STYXL2: variants seen among roughly 807,000 people sequenced by gnomAD.
STYXL2 encodes the protein serine/threonine/tyrosine-interacting-like protein 2.
STYXL2 carries 44 observed loss-of-function variants against 52.4 expected under a neutral mutation model. The ratio of observed to expected loss-of-function variants is 0.84; its 90% CI spans 0.66 to 1.08. The LOEUF is 1.08. Among genes scored for constraint, STYXL2 ranks in the 50% least tolerant of loss-of-function variants. The pLI is 0.00. For synonymous variants in STYXL2, 604 were observed against 586.9 expected (o/e 1.03, Z -0.42); for missense variants, 1,604 against 1,471.7 (o/e 1.09, Z -1.47).
In STYXL2 at chr1:167,128,365, C is replaced by T. The variant is rs369470994; in HGVS notation, c.3234C>T (p.Asp1078=). The change falls in exon 6 of 6, where the codon GAC becomes GAT. Residue 1078 remains aspartate (D), a synonymous_variant. Transcript: ENST00000361200. Reference sequence around the variant, plus strand: ...ATGTGGAAGAGTCATCCAAGTCAGACTTCTCTGAATTTGGAGCCAAGAGGA... The same window carrying T: ...ATGTGGAAGAGTCATCCAAGTCAGATTTCTCTGAATTTGGAGCCAAGAGGA... ...WEDVEESSKS[D]FSEFGAKRKF... The T allele has an allele frequency of 1.2e-6, 2 of 1,614,008 alleles. No homozygotes were observed. The highest frequency in any genetic ancestry group is 1.7e-6 in the Non-Finnish European group (2 of 1,180,018).
At chr1:167,101,670 G>A (rs1667404556) in intron 2 of STYXL2, among the ~76,000 whole-genome samples, 1 of 152,064 alleles carries the variant, frequency 6.6e-6, no homozygotes, top group Non-Finnish European at 1.5e-5. Context: ...TGGGTGTGGT[G>A]GTGGGCACCT....
At chr1:167,124,417 A>T (rs7539374) in intron 5 of STYXL2, among the ~76,000 whole-genome samples, 54,052 of 152,104 alleles carry the variant, frequency 0.36, 10,309 homozygotes, top group East Asian at 0.74. Context: ...TTTTAACTGA[A>T]TTAGCAAACA....
rs767979314 is a variant in STYXL2, at chr1:167,127,759, A to G, written c.2628A>G (p.Glu876=). 26 of 1,614,032 alleles carry G rather than the reference A, an allele frequency of 1.6e-5. No individual in the cohort carries two copies. The highest frequency in any genetic ancestry group is 2.2e-5 in the Non-Finnish European group (26 of 1,180,024). ...TCTTCAAGAAGAAGAAGGTCAAGGA[A>G]GATGAGGATGATGGTGTGGGTGATG... ...SSLFKKKKVK[E]DEDDGVGDGD... is the part of the protein sequence containing the mutation. Residue 876 remains glutamate, a synonymous_variant, in exon 6 of 6, where the codon GAA becomes GAG. Coordinates refer to ENST00000361200, the MANE Select transcript of STYXL2 (RefSeq NM_001080426.3).
chr1:167,102,172 G>T (rs1667417277), intron 2 of STYXL2, among the ~76,000 whole-genome samples: 1 of 151,820 alleles, frequency 6.6e-6, no homozygotes, highest in African/African-American at 2.4e-5. Context: ...TGAGAGGGAG[G>T]GCTTAAAAAG....
Position 167,126,697 on chromosome 1 carries a change from C to T in STYXL2, c.1566C>T (p.Ser522=), listed in dbSNP as rs1667978101. 2 of 1,614,042 alleles carry T rather than the reference C, an allele frequency of 1.2e-6. No homozygotes were observed. The highest frequency in any genetic ancestry group is 1.3e-5 in the African/African-American group (1 of 74,914). The stretch of plus-strand genomic sequence containing the variant: ...GGGTGCGGGAGGATGATGAGGACAG[C>T]GTGGGCTCTGAGGCCAGTTCCTTCT... ...GSRVREDDED[S]VGSEASSFYN... Residue 522 remains serine (S), a synonymous_variant, in exon 6 of 6, where the codon AGC becomes AGT. Coordinates refer to ENST00000361200, the MANE Select transcript of STYXL2 (RefSeq NM_001080426.3).
Position 167,127,001 on chromosome 1 carries a change from C to A in STYXL2, c.1870C>A (p.Gln624Lys). 6.2e-7 allele frequency: 1 copy of A among 1,607,118 alleles called. No individual in the cohort carries two copies. The highest frequency in any genetic ancestry group is 8.5e-7 in the Non-Finnish European group (1 of 1,176,082). Residue 624 changes from glutamine (Q) to lysine (K), a missense_variant, in exon 6 of 6, where the codon CAA becomes AAA. Transcript: ENST00000361200. Reference sequence around the variant, plus strand: ...GGACTCGGCCTTGGCTAAGAAGAGACAACGGAGGCTGGAGCTGCTGGAGAG... The same window carrying A: ...GGACTCGGCCTTGGCTAAGAAGAGAAAACGGAGGCTGGAGCTGCTGGAGAG... The part of the protein sequence containing the change: ...GEDSALAKKR[Q>K]RRLELLERSR...
At position 167,126,895 on chromosome 1, in the gene STYXL2, C is replaced by G. The variant is rs1310532425; in HGVS notation, c.1764C>G (p.Ala588=). ...ACCCCTCCGACGTCAGCCTGACAGCCTACCAGGCCTGGAAGCTGAAACACC... is the reference window on the plus strand; with the variant it reads ...ACCCCTCCGACGTCAGCCTGACAGCGTACCAGGCCTGGAAGCTGAAACACC... ...EKNPSDVSLT[A]YQAWKLKHQK... The change falls in exon 6 of 6, where the codon GCC becomes GCG. Residue 588 remains alanine (A), a synonymous_variant. Coordinates refer to ENST00000361200, the MANE Select transcript of STYXL2 (RefSeq NM_001080426.3). 13 of 1,612,024 alleles carry G rather than the reference C, an allele frequency of 8.1e-6. No individual in the cohort carries two copies. In the Admixed American group the frequency reaches 2.2e-4, roughly 27 times the overall value.
At position 167,127,121 on chromosome 1, in the gene STYXL2, T is replaced by A; in HGVS notation, c.1990T>A (p.Ser664Thr). 6.2e-7 allele frequency: 1 copy of A among 1,614,022 alleles called. No individual in the cohort carries two copies. Among genetic ancestry groups the A allele is most frequent in the South Asian group, 1.1e-5 (1 of 91,070 alleles). Residue 664 changes from serine (S) to threonine (T), a missense_variant, in exon 6 of 6, where the codon TCT becomes ACT. Physicochemically the swap from Ser to Thr is moderately conservative, Grantham distance 58. Coordinates refer to ENST00000361200, the MANE Select transcript of STYXL2 (RefSeq NM_001080426.3). ...GAGCATTCCCCTGTCTGCGTTCTGGTCTGCAGACCCCTCAGTCAGCGCTGA... is the reference window on the plus strand; with the variant it reads ...GAGCATTCCCCTGTCTGCGTTCTGGACTGCAGACCCCTCAGTCAGCGCTGA... ...SGSIPLSAFW[S>T]ADPSVSADGD...
intron 2 of STYXL2, among the ~76,000 whole-genome samples, chr1:167,098,212 A>G (rs1483881454): frequency 3.9e-5 from 6 of 151,900 alleles, no homozygotes; most frequent in Admixed American, 2.0e-4. Flanking sequence ...GGGTTTCACC[A>G]TGTTGGTCAG....
In STYXL2 at chr1:167,126,541, G is replaced by A. The variant is rs149064504; in HGVS notation, c.1410G>A (p.Ser470=). 1.1e-5 allele frequency: 18 copies of A among 1,613,584 alleles called. No individual in the cohort carries two copies. The highest frequency in any genetic ancestry group is 1.4e-5 in the Non-Finnish European group (17 of 1,179,938). The change falls in exon 6 of 6, where the codon TCG becomes TCA. Residue 470 remains serine (S), a synonymous_variant. Coordinates refer to ENST00000361200, the MANE Select transcript of STYXL2 (RefSeq NM_001080426.3). ...PDHGRRRRAD[S]MSSESTWDAW... ...ACGGCAGGAGGCGCCGCGCAGACTC[G>A]ATGTCCTCGGAGAGCACCTGGGACG...
At chr1:167,119,183 C>G (rs564369517) in intron 4 of STYXL2, 66 bp from the exon 5 acceptor site, 1 of 1,487,424 alleles carries the variant, frequency 6.7e-7, no homozygotes, top group Non-Finnish European at 9.3e-7. Context: ...GCAGGCTCAC[C>G]GTCACAGTGG....
intron 2 of STYXL2, among the ~76,000 whole-genome samples, chr1:167,101,919 G>A (rs1255943131): frequency 6.6e-6 from 1 of 152,048 alleles, no homozygotes; most frequent in African/African-American, 2.4e-5. Flanking sequence ...ACGAGTGAAT[G>A]GATAAACACA....
chr1:167,101,874 A>T (rs1315759654), intron 2 of STYXL2, among the ~76,000 whole-genome samples: 1 of 152,212 alleles, frequency 6.6e-6, no homozygotes, highest in Non-Finnish European at 1.5e-5. Context: ...TATTTGTAAT[A>T]GCCAAAAACC....
chr1:167,126,386 G>A lies in STYXL2; in HGVS notation c.1255G>A (p.Glu419Lys). Reference sequence around the variant, plus strand: ...GTGGGGAAGGGAGGAGGAGAAGGAGGAGGAGAGCGACGCTGGCTCCTCGGT... The same window carrying A: ...GTGGGGAAGGGAGGAGGAGAAGGAGAAGGAGAGCGACGCTGGCTCCTCGGT... ...RRWGREEEKE[E>K]ESDAGSSVGR... The change falls in exon 6 of 6, where the codon GAG becomes AAG. Residue 419 changes from glutamate (E) to lysine (K), a missense_variant. Physicochemically the swap from Glu to Lys is moderately conservative, Grantham distance 56 (BLOSUM62 1). Transcript: ENST00000361200. 1 of 1,553,604 alleles carries A rather than the reference G, an allele frequency of 6.4e-7. No individual in the cohort carries two copies. The highest frequency in any genetic ancestry group is 8.7e-7 in the Non-Finnish European group (1 of 1,148,566).
rs111745868 is a variant in STYXL2, at chr1:167,128,589, A to G, written c.3458A>G (p.Gln1153Arg). 4,391 of 1,612,616 alleles carry G rather than the reference A, an allele frequency of 2.7e-3. 8 individuals carry two copies. Among genetic ancestry groups the G allele is most frequent in the Non-Finnish European group, 3.4e-3 (4,033 of 1,179,788 alleles). Residue 1153 changes from glutamine (Q) to arginine (R), a missense_variant, in exon 6 of 6, where the codon CAG (glutamine) becomes CGG (arginine). Gln to Arg is a conservative substitution (Grantham distance 43, BLOSUM62 1). Coordinates refer to ENST00000361200, the MANE Select transcript of STYXL2 (RefSeq NM_001080426.3). The stretch of plus-strand genomic sequence containing the variant: ...CAAGAAGAAACCAGGACCAAGCTGC[A>G]GAAAAGGAGGGAGGACTGAGCTGGG... ...RRQEETRTKL[Q>R]KRRED
intron 2 of STYXL2, among the ~76,000 whole-genome samples, chr1:167,111,515 C>T (rs13374912): frequency 0.082 from 2,604 of 31,740 alleles, 58 homozygotes; most frequent in African/African-American, 0.14. Flanking sequence ...TATATATATA[C>T]ACACACACAC....
rs1667802235 is a variant in STYXL2 at position 167,119,462 on chromosome 1, C to T, written c.651C>T (p.Tyr217=). The part of the protein sequence containing the change: ...SEFLDEALLT[Y]RGKVLVSSEM... ...TCCTGGATGAGGCGCTGCTGACTTACAGAGGTGAGAGGGATCTGCCGCTCC... is the reference window on the plus strand; with the variant it reads ...TCCTGGATGAGGCGCTGCTGACTTATAGAGGTGAGAGGGATCTGCCGCTCC... The change falls in exon 5 of 6, where the codon TAC becomes TAT. Residue 217 remains tyrosine (Y), a synonymous_variant. Coordinates refer to ENST00000361200, the MANE Select transcript of STYXL2 (RefSeq NM_001080426.3). The T allele has an allele frequency of 6.2e-7, 1 of 1,613,868 alleles. No homozygotes were observed. The highest frequency in any genetic ancestry group is 8.5e-7 in the Non-Finnish European group (1 of 1,179,908).
rs140692288 is a variant in STYXL2, at chr1:167,126,327, G to A, written c.1196G>A (p.Arg399Gln). The change falls in exon 6 of 6, where the codon CGA (arginine) becomes CAA (glutamine). Residue 399 changes from arginine (R) to glutamine (Q), a missense_variant. By Grantham distance (43) the Arg-to-Gln change is conservative. Transcript: ENST00000361200. ...VERIIQEWQS[R>Q]NERYQAEGYR... Reference sequence around the variant, plus strand: ...AGGATCATCCAGGAGTGGCAGAGCCGAAACGAGAGGTACCAAGCAGAAGGG... The same window carrying A: ...AGGATCATCCAGGAGTGGCAGAGCCAAAACGAGAGGTACCAAGCAGAAGGG... 392 of 1,520,048 alleles carry A rather than the reference G, an allele frequency of 2.6e-4. No homozygotes were observed. The African/African-American group carries it at 4.4e-3, about 17-fold the overall frequency. 94.2% of individuals were successfully genotyped at this position (1,520,048 alleles called of 1,614,324 possible). A position where few individuals can be genotyped will look rare whatever the true frequency, so the allele number is the denominator to read the frequency against.
intron 3 of STYXL2, among the ~76,000 whole-genome samples, chr1:167,114,471 A>T (rs901046078): frequency 2.6e-5 from 4 of 152,178 alleles, no homozygotes; most frequent in Admixed American, 2.6e-4. Flanking sequence ...GATAAAGTGC[A>T]CACTGATGAA....
Sources: gnomAD v4.1 joint callset for allele counts (sites outside exome capture counted in the v4.1 genomes callset) on GRCh38, gnomAD v4.1.1 for gene constraint, MANE v1.5 for transcripts, NCBI Gene and HGNC (gene_info 2026-07-23, HGNC 2026-07-21) for gene names.